Variants in CRX observed in about 807,000 individuals in gnomAD.
CRX encodes the protein cone-rod homeobox.
In CRX, 5 loss-of-function variants were observed where a neutral mutation model predicts 13.1. The observed-to-expected ratio is 0.38, with a 90% CI of 0.20 to 0.80. The LOEUF is 0.80. Among genes scored for constraint, CRX ranks in the 30% least tolerant of loss-of-function variants. The pLI is 0.43. For missense variants in CRX, 351 were observed against 391.8 expected (o/e 0.90, Z 0.88); for synonymous variants, 179 against 171.1 (o/e 1.05, Z -0.36).
chr19:47,837,171 A>G (rs12985226), intron 3 of CRX, among the ~76,000 whole-genome samples: 26,807 of 151,944 alleles, frequency 0.18, 2,605 homozygotes, highest in Non-Finnish European at 0.22. Context: ...ATGGATGGGT[A>G]TATTTATTTA....
At chr19:47,823,527 G>A (rs565148630) in intron 1 of CRX, among the ~76,000 whole-genome samples, 5 of 152,266 alleles carry the variant, frequency 3.3e-5, no homozygotes, top group African/African-American at 4.8e-5. Context: ...CCTTGTCCCC[G>A]CTGGACAGAG....
intron 1 of CRX, among the ~76,000 whole-genome samples, chr19:47,826,033 G>C (rs1490885077): frequency 1.3e-5 from 2 of 152,208 alleles, no homozygotes; most frequent in Non-Finnish European, 2.9e-5. Flanking sequence ...CAGATTTGAC[G>C]GCGAAGACAA....
At chr19:47,829,806 T>A (rs1420634603) in intron 1 of CRX, among the ~76,000 whole-genome samples, 5 of 147,552 alleles carry the variant, frequency 3.4e-5, no homozygotes, top group Admixed American at 2.7e-4. Flanking sequence ...ATTTTTGTAT[T>A]TTTTTTTTTG....
Position 47,843,280 on chromosome 19 carries a change from C to T in CRX, c.*3313C>T, listed in dbSNP as rs2123746708. On this transcript the variant is annotated 3_prime_UTR_variant, in exon 4 of 4. Transcript: ENST00000221996. ...ACACACTGGCCTCTGGGTCCCCCTT[C>T]TCTGTCCACCCACAGAGTGAAACCA... is the stretch of plus-strand genomic sequence containing the variant. 1 of 152,416 alleles carries T rather than the reference C, an allele frequency of 6.6e-6. No homozygotes were observed. The highest frequency in any genetic ancestry group is 1.9e-4 in the East Asian group (1 of 5,190). 9.4% of individuals were successfully genotyped at this position (152,416 alleles called of 1,614,324 possible). A position where few individuals can be genotyped will look rare whatever the true frequency, so the allele number is the denominator to read the frequency against.
chr19:47,838,007 G>A (rs569093241), intron 3 of CRX, among the ~76,000 whole-genome samples: 19 of 152,202 alleles, frequency 1.2e-4, no homozygotes, highest in East Asian at 5.8e-4. Flanking sequence ...GCATACACAC[G>A]TGTGTATGAT....
chr19:47,831,634 G>A (rs111280232), intron 1 of CRX, among the ~76,000 whole-genome samples: 4,761 of 152,268 alleles, frequency 0.031, 214 homozygotes, highest in African/African-American at 0.1. Context: ...CTGCTGCCTT[G>A]GAATATGAAG....
intron 3 of CRX, among the ~76,000 whole-genome samples, chr19:47,837,532 G>A (rs1195632392): frequency 6.6e-6 from 1 of 152,194 alleles, no homozygotes; most frequent in Non-Finnish European, 1.5e-5. Flanking sequence ...TAAATAAAAT[G>A]TGTGTGTTAG....
intron 1 of CRX, among the ~76,000 whole-genome samples, chr19:47,825,594 C>T (rs546363976): frequency 9.2e-5 from 14 of 152,214 alleles, no homozygotes; most frequent in Admixed American, 7.2e-4. Flanking sequence ...ACACTTTCCT[C>T]CTGCTGAGCC....
intron 2 of CRX, among the ~76,000 whole-genome samples, chr19:47,836,023 C>T (rs958828295): frequency 1.3e-5 from 2 of 152,180 alleles, no homozygotes; most frequent in Admixed American, 6.5e-5. Context: ...GAGGGAAAAA[C>T]GACTCGCACA....
At chr19:47,824,990 A>ATTTTTTT (rs11374819) in intron 1 of CRX, among the ~76,000 whole-genome samples, 5,270 of 99,988 alleles carry the variant, frequency 0.053, 200 homozygotes, top group Admixed American at 0.08. Flanking sequence ...CGATTGATTG[A>ATTTTTTT]TTTTTTTTTT....
chr19:47,839,728 T>C lies in CRX; in HGVS notation c.661T>C (p.Tyr221His). ...PSSYFSGLDPYLSPMVPQLGG... is the reference protein window; with the variant it reads ...PSSYFSGLDPHLSPMVPQLGG... Reference sequence around the variant, plus strand: ...CTCCTATTTCAGCGGCCTAGACCCCTACCTTTCTCCCATGGTGCCCCAGCT... The same window carrying C: ...CTCCTATTTCAGCGGCCTAGACCCCCACCTTTCTCCCATGGTGCCCCAGCT... The change falls in exon 4 of 4, where the codon TAC becomes CAC. Residue 221 changes from tyrosine (Y) to histidine (H), a missense_variant. This residue lies in a region of CRX where 253 missense variants were observed against 268.3 expected (regional missense o/e 0.94). Transcript: ENST00000221996. This position sits in a 1 kb window ranked among gnomAD's most constrained non-coding sequence, Gnocchi z 4.6. The C allele has an allele frequency of 6.2e-7, 1 of 1,614,060 alleles. No homozygotes were observed. The highest frequency in any genetic ancestry group is 8.5e-7 in the Non-Finnish European group (1 of 1,179,982).
chr19:47,834,286 G>A, intron 1 of CRX, 123 bp from the exon 2 acceptor site: 1 of 690,658 alleles, frequency 1.4e-6, no homozygotes, highest in Non-Finnish European at 2.7e-6. Flanking sequence ...ACAGAGAGGT[G>A]AGATAAATGG....
In CRX at chr19:47,825,121, G is replaced by A. The variant is rs117549976; in HGVS notation, c.-36+3111G>A. Among the ~76,000 whole-genome samples the A allele has an allele frequency of 8.5e-4, 128 of 150,524 alleles. 2 individuals carry two copies. In the East Asian group the frequency reaches 0.022, roughly 26 times the overall value. ...TTTTTGTACCTCAGCCTCCCCAGAA[G>A]CTGGGACAACACCATGCCCGGCTAA... is the stretch of plus-strand genomic sequence containing the variant. On this transcript the variant is annotated intron_variant, in intron 1 of 3. Transcript: ENST00000221996.
chr19:47,825,802 G>A (rs745728263), intron 1 of CRX, among the ~76,000 whole-genome samples: 1 of 151,800 alleles, frequency 6.6e-6, no homozygotes, highest in Non-Finnish European at 1.5e-5. Flanking sequence ...GCACATGCCT[G>A]TTGTCCCAGG....
chr19:47,827,634 G>C (rs1967990506), intron 1 of CRX, among the ~76,000 whole-genome samples: 1 of 144,054 alleles, frequency 6.9e-6, no homozygotes, highest in African/African-American at 2.6e-5. Context: ...CGCCTCCCGG[G>C]TTCAAGCGAT....
In CRX at chr19:47,836,455, G is replaced by A. The variant is rs1049450128; in HGVS notation, c.252+61G>A. On this transcript the variant is annotated intron_variant, in intron 3 of 3. Coordinates refer to ENST00000221996, the MANE Select transcript of CRX (RefSeq NM_000554.6). ...TCCTGTGATCTCAGGAGGCCTGCCC[G>A]GAACAAAGAGTGATGGGAGGAGGGA... 37 of 1,602,668 alleles carry A rather than the reference G, an allele frequency of 2.3e-5. No homozygotes were observed. The East Asian group carries it at 4.2e-4, about 18-fold the overall frequency.
intron 3 of CRX, among the ~76,000 whole-genome samples, chr19:47,838,477 T>C (rs988430559): frequency 4.6e-5 from 7 of 152,174 alleles, no homozygotes; most frequent in Non-Finnish European, 8.8e-5. Flanking sequence ...TGTATGTTTG[T>C]ATGATCAGAT....
intron 2 of CRX, among the ~76,000 whole-genome samples, chr19:47,835,280 A>G (rs899318833): frequency 2.6e-5 from 4 of 151,376 alleles, no homozygotes; most frequent in African/African-American, 9.7e-5. Flanking sequence ...CTGGTCTCAA[A>G]CTCTTGGGTC....
chr19:47,839,726 C>T lies in CRX; in HGVS notation c.659C>T (p.Pro220Leu), dbSNP rs776939977. 4.3e-6 allele frequency: 7 copies of T among 1,613,970 alleles called. No homozygotes were observed. The African/African-American group carries it at 8.0e-5, about 18-fold the overall frequency. Residue 220 changes from proline to leucine, a missense_variant, in exon 4 of 4, where the codon CCC becomes CTC. Physicochemically the swap from Pro to Leu is moderately conservative, Grantham distance 98. This residue lies in a region of CRX where 253 missense variants were observed against 268.3 expected (regional missense o/e 0.94). Coordinates refer to ENST00000221996, the MANE Select transcript of CRX (RefSeq NM_000554.6). The surrounding 1 kb of genome is among the most constrained non-coding windows in gnomAD (Gnocchi z 4.6). Reference sequence around the variant, plus strand: ...AGCTCCTATTTCAGCGGCCTAGACCCCTACCTTTCTCCCATGGTGCCCCAG... The same window carrying T: ...AGCTCCTATTTCAGCGGCCTAGACCTCTACCTTTCTCCCATGGTGCCCCAG... ...SPSSYFSGLD[P>L]YLSPMVPQLG...
Sources: gnomAD v4.1 joint callset for allele counts (sites outside exome capture counted in the v4.1 genomes callset) on GRCh38, gnomAD v4.1.1 for gene constraint, gnomAD v4.1.1 regional missense constraint, Gnocchi (gnomAD v3.1) non-coding constraint, MANE v1.5 for transcripts, NCBI Gene and HGNC (gene_info 2026-07-23, HGNC 2026-07-21) for gene names.